NAV3: variants seen among roughly 807,000 people sequenced by gnomAD.
NAV3 encodes neuron navigator 3, also known as pore membrane and/or filament interacting like protein 1.
In NAV3, 87 loss-of-function variants were observed where a neutral mutation model predicts 244.7. That is an observed-to-expected ratio of 0.36 (90% CI 0.30 to 0.42). The LOEUF is 0.42. Among genes scored for constraint, NAV3 ranks in the 20% least tolerant of loss-of-function variants. The pLI is 1.00. For missense variants in NAV3, 2,663 were observed against 2,893.3 expected (o/e 0.92, Z 1.83); for synonymous variants, 1,126 against 1,042.2 (o/e 1.08, Z -1.55).
rs1299866315 is a variant in NAV3, at chr12:78,113,627, A to AG, written c.2637-3139dup. Among the ~76,000 whole-genome samples the AG allele has an allele frequency of 4.6e-5, 7 of 152,232 alleles. No homozygotes were observed. The South Asian group carries it at 8.3e-4, about 18-fold the overall frequency. ...ACCAAGTCCCTATGGTGCATACAGCAGGGGGGCCCTGGACCCAGCCCACAA... is the reference window on the plus strand; with the variant it reads ...ACCAAGTCCCTATGGTGCATACAGCAGGGGGGGCCCTGGACCCAGCCCACAA... On this transcript the variant is annotated intron_variant, in intron 12 of 39. Coordinates refer to ENST00000397909, the MANE Select transcript of NAV3 (RefSeq NM_001024383.2).
intron 2 of NAV3, among the ~76,000 whole-genome samples, chr12:77,650,670 A>G (rs960307517): frequency 1.3e-5 from 2 of 152,166 alleles, no homozygotes; most frequent in Non-Finnish European, 2.9e-5. Context: ...TGTATATTAT[A>G]AAATTCATTT....
chr12:77,991,066 C>T (rs1406840884), intron 5 of NAV3, among the ~76,000 whole-genome samples: 1 of 152,080 alleles, frequency 6.6e-6, no homozygotes, highest in Non-Finnish European at 1.5e-5. Context: ...CACTCTGTCG[C>T]CCAGGCTGGA....
intron 9 of NAV3, among the ~76,000 whole-genome samples, chr12:78,031,890 A>T (rs941808399): frequency 2.0e-5 from 3 of 151,846 alleles, no homozygotes; most frequent in South Asian, 2.1e-4. Flanking sequence ...TATAATAAAA[A>T]AATAATAATA....
chr12:77,685,079 A>G (rs907396259), intron 2 of NAV3, among the ~76,000 whole-genome samples: 18 of 152,070 alleles, frequency 1.2e-4, no homozygotes, highest in African/African-American at 4.3e-4. Context: ...CTCTAATTTC[A>G]TTCTTCCTTT....
At position 78,180,881 on chromosome 12, in the gene NAV3, A is replaced by G; in HGVS notation, c.5528A>G (p.Glu1843Gly). ...EAMNRMQNEI[E>G]ILKAENDRLK... ...CCATCTTCATAACAGAATGAAATTG[A>G]AATACTGAAAGCTGAAAATGACCGG... Residue 1843 changes from glutamate to glycine, a missense_variant, in exon 30 of 40, where the codon GAA (glutamate) becomes GGA (glycine). Around this residue, in one of 6 missense-constraint regions of NAV3, gnomAD observed 543 missense variants for 672.4 expected, o/e 0.81. Transcript: ENST00000397909. 6.2e-7 allele frequency: 1 copy of G among 1,611,802 alleles called. No individual in the cohort carries two copies. Among genetic ancestry groups the G allele is most frequent in the East Asian group, 2.2e-5 (1 of 44,618 alleles).
At chr12:77,934,630 G>A (rs1889148913) in intron 1 of NAV3, among the ~76,000 whole-genome samples, 2 of 152,076 alleles carry the variant, frequency 1.3e-5, no homozygotes, top group South Asian at 4.1e-4. Context: ...ATTTCTGGTT[G>A]CACTTTATAT....
chr12:77,715,559 T>G (rs1341101938), intron 2 of NAV3, among the ~76,000 whole-genome samples: 1 of 152,028 alleles, frequency 6.6e-6, no homozygotes, highest in Non-Finnish European at 1.5e-5. Context: ...ATAGGGTTAT[T>G]AAATTACTAG....
intron 3 of NAV3, among the ~76,000 whole-genome samples, chr12:77,947,872 T>G (rs1221023941): frequency 6.6e-6 from 1 of 152,044 alleles, no homozygotes; most frequent in East Asian, 1.9e-4. Context: ...CAAGTTCAAA[T>G]GAAGTAATTG....
intron 33 of NAV3, among the ~76,000 whole-genome samples, chr12:78,189,568 A>G (rs1213825499): frequency 2.0e-5 from 3 of 150,756 alleles, no homozygotes; most frequent in Non-Finnish European, 3.0e-5. Context: ...ACCCATATAT[A>G]TATATATGGG....
At position 78,119,473 on chromosome 12, in the gene NAV3, C is replaced by T. The variant is rs749727874; in HGVS notation, c.3277C>T (p.Leu1093=). Residue 1093 remains leucine, a synonymous_variant, in exon 15 of 40, where the codon CTG becomes TTG. Coordinates refer to ENST00000397909, the MANE Select transcript of NAV3 (RefSeq NM_001024383.2). ...GATITSGSAT[L]GKIPKSAAIG... ...AACCATAACAAGTGGCTCTGCAACA[C>T]TGGGTAAAATTCCAAAATCTGCTGC... 45 of 1,614,102 alleles carry T rather than the reference C, an allele frequency of 2.8e-5. No homozygotes were observed. The highest frequency in any genetic ancestry group is 3.5e-5 in the Non-Finnish European group (41 of 1,180,050).
At chr12:78,027,456 G>C (rs1878257032) in intron 9 of NAV3, among the ~76,000 whole-genome samples, 1 of 150,846 alleles carries the variant, frequency 6.6e-6, no homozygotes, top group Non-Finnish European at 1.5e-5. Flanking sequence ...AAAAAAAAGG[G>C]TGGGGGGCCG....
chr12:77,990,992 T>C (rs1565994375), intron 5 of NAV3, among the ~76,000 whole-genome samples: 1 of 152,176 alleles, frequency 6.6e-6, no homozygotes, highest in Non-Finnish European at 1.5e-5. Context: ...ACATGACATA[T>C]TACATTTTCA....
At chr12:77,711,228 G>A (rs1435615385) in intron 2 of NAV3, among the ~76,000 whole-genome samples, 3 of 152,176 alleles carry the variant, frequency 2.0e-5, no homozygotes, top group Non-Finnish European at 2.9e-5. Flanking sequence ...AATTACCAGG[G>A]TGATCCTCAA....
At chr12:78,017,293 C>G (rs529585187) in intron 8 of NAV3, among the ~76,000 whole-genome samples, 6 of 151,998 alleles carry the variant, frequency 3.9e-5, no homozygotes, top group Non-Finnish European at 5.9e-5. Context: ...GATGAAGGAC[C>G]TGGCTTATTA....
chr12:77,944,544 A>G (rs1241998924), intron 3 of NAV3, among the ~76,000 whole-genome samples: 2 of 152,172 alleles, frequency 1.3e-5, no homozygotes, highest in African/African-American at 4.8e-5. Flanking sequence ...TGATGTATCT[A>G]TTAAAACATC....
chr12:77,947,051 C>T (rs933079837), intron 3 of NAV3, among the ~76,000 whole-genome samples: 1 of 152,060 alleles, frequency 6.6e-6, no homozygotes, highest in African/African-American at 2.4e-5. Flanking sequence ...CCAGCCACAA[C>T]CTTCAACCTA....
At chr12:77,752,509 G>T (rs530591342) in intron 2 of NAV3, among the ~76,000 whole-genome samples, 1 of 152,166 alleles carries the variant, frequency 6.6e-6, no homozygotes, top group African/African-American at 2.4e-5. Context: ...TTAATGGAAC[G>T]CTGGAATGCA....
intron 2 of NAV3, among the ~76,000 whole-genome samples, chr12:77,747,163 G>T (rs1239565953): frequency 6.6e-6 from 1 of 152,100 alleles, no homozygotes; most frequent in African/African-American, 2.4e-5. Context: ...AAATAGTGTA[G>T]TAGATAAATT....
chr12:77,977,872 A>G (rs1220115540), intron 5 of NAV3, among the ~76,000 whole-genome samples: 1 of 152,164 alleles, frequency 6.6e-6, no homozygotes, highest in African/African-American at 2.4e-5. Context: ...AATTAGGGCC[A>G]GAGCTCATTT....
Sources: gnomAD v4.1 joint callset for allele counts (sites outside exome capture counted in the v4.1 genomes callset) on GRCh38, gnomAD v4.1.1 for gene constraint, gnomAD v4.1.1 regional missense constraint, MANE v1.5 for transcripts, NCBI Gene and HGNC (gene_info 2026-07-23, HGNC 2026-07-21) for gene names.